Variants in SLC25A21 observed in about 807,000 individuals in gnomAD.
The protein encoded by SLC25A21 is mitochondrial 2-oxodicarboxylate carrier.
Under a neutral mutation model 43.8 loss-of-function variants are expected in SLC25A21, and 47 were observed. That is an observed-to-expected ratio of 1.07 (90% confidence interval 0.85 to 1.37). The LOEUF (loss-of-function observed/expected upper bound fraction) is 1.37, where lower values mean the gene tolerates loss of function less well. SLC25A21 is among the 40% of genes most tolerant of loss of function. The pLI is 0.00. For missense variants in SLC25A21, 352 were observed against 350.2 expected, an observed-to-expected ratio of 1.00 and a Z score of -0.04; for synonymous variants, 131 against 121.3, an observed-to-expected ratio of 1.08 and a Z score of -0.52.
chr14:36,832,031 G>A (rs1319102082), intron 2 of SLC25A21, among the ~76,000 whole-genome samples: 1 of 152,116 alleles, frequency 6.6e-6, no homozygotes, highest in African/African-American at 2.4e-5. Context: ...TTGTTAGTTT[G>A]ATAAAAGTGA....
intron 1 of SLC25A21, among the ~76,000 whole-genome samples, chr14:37,081,631 A>C (rs982653027): frequency 6.6e-6 from 1 of 152,248 alleles, no homozygotes; most frequent in Non-Finnish European, 1.5e-5. Context: ...TTGGCTTAAC[A>C]GTTTTGTTGC....
intron 1 of SLC25A21, among the ~76,000 whole-genome samples, chr14:36,992,540 G>A (rs1037298736): frequency 1.2e-4 from 19 of 152,122 alleles, no homozygotes; most frequent in African/African-American, 4.1e-4. Context: ...ATATACTCTA[G>A]GTATGCTAAG....
chr14:36,773,522 G>T (rs1427932931), intron 3 of SLC25A21, among the ~76,000 whole-genome samples: 1 of 152,198 alleles, frequency 6.6e-6, no homozygotes, highest in Admixed American at 6.5e-5. Context: ...TTGAAATCTA[G>T]AACTGTATTT....
chr14:36,790,838 T>C (rs571640174), intron 3 of SLC25A21, among the ~76,000 whole-genome samples: 1 of 152,224 alleles, frequency 6.6e-6, no homozygotes, highest in South Asian at 2.1e-4. Flanking sequence ...ACCACATATA[T>C]CACAGCACTG....
chr14:36,964,993 T>C lies in SLC25A21; in HGVS notation c.71-89989A>G, dbSNP rs537493644. On this transcript the variant is annotated intron_variant, in intron 1 of 9. Coordinates refer to ENST00000331299, the MANE Select transcript of SLC25A21 (RefSeq NM_030631.4). ...TAAATTAACTGAAGGAATGGTTTGG[T>C]TGGACTCTGACTTTGCCTTTAAATT... is the stretch of plus-strand genomic sequence containing the variant. 3.3e-5 allele frequency among the ~76,000 whole-genome samples: 5 copies of C among 152,300 alleles called. No individual in the cohort carries two copies. The East Asian group carries it at 5.8e-4, about 18-fold the overall frequency.
intron 2 of SLC25A21, among the ~76,000 whole-genome samples, chr14:36,833,600 G>C (rs1390673663): frequency 1.3e-5 from 2 of 152,164 alleles, no homozygotes; most frequent in East Asian, 3.8e-4. Flanking sequence ...ACTTAGGAAA[G>C]GGCACTGGCT....
chr14:37,154,195 C>G (rs1229486907), intron 1 of SLC25A21, among the ~76,000 whole-genome samples: 1 of 152,124 alleles, frequency 6.6e-6, no homozygotes, highest in Admixed American at 6.5e-5. Context: ...GCATCTTAGT[C>G]CCCAAGCAGA....
chr14:36,806,396 A>C (rs906736318), intron 3 of SLC25A21, among the ~76,000 whole-genome samples: 8 of 152,134 alleles, frequency 5.3e-5, no homozygotes, highest in Admixed American at 1.3e-4. Context: ...CTAATACAAG[A>C]AATGATAAAT....
chr14:36,959,753 T>G (rs1959442478), intron 1 of SLC25A21, among the ~76,000 whole-genome samples: 1 of 152,222 alleles, frequency 6.6e-6, no homozygotes, highest in Non-Finnish European at 1.5e-5. Context: ...ACATGTTGGC[T>G]GTTCCCATGC....
chr14:37,132,184 T>C (rs1295768422), intron 1 of SLC25A21, among the ~76,000 whole-genome samples: 1 of 152,136 alleles, frequency 6.6e-6, no homozygotes, highest in Non-Finnish European at 1.5e-5. Context: ...CTCACGCAAA[T>C]GCCATTAATC....
intron 3 of SLC25A21, among the ~76,000 whole-genome samples, chr14:36,809,471 T>TGA (rs1179722691): frequency 6.6e-6 from 1 of 152,154 alleles, no homozygotes; most frequent in Admixed American, 6.5e-5. Context: ...ATGTCTTTCA[T>TGA]AAGACATGGT....
At chr14:37,094,737 A>C (rs1322807622) in intron 1 of SLC25A21, among the ~76,000 whole-genome samples, 3 of 4,864 alleles carry the variant, frequency 6.2e-4, no homozygotes, top group Non-Finnish European at 0.013. Context: ...GGTGATAGCC[A>C]AAAAAAAAAA....
intron 2 of SLC25A21, among the ~76,000 whole-genome samples, chr14:36,823,478 T>C (rs1039814816): frequency 2.6e-5 from 4 of 152,196 alleles, no homozygotes; most frequent in Non-Finnish European, 5.9e-5. Flanking sequence ...TGCTAACAAA[T>C]GACTTCACAT....
intron 1 of SLC25A21, among the ~76,000 whole-genome samples, chr14:36,958,378 G>A (rs1218402110): frequency 6.6e-6 from 1 of 152,138 alleles, no homozygotes; most frequent in African/African-American, 2.4e-5. Flanking sequence ...AAAAAGTAAA[G>A]TGAGTCTGAA....
At chr14:36,920,123 C>G (rs918417838) in intron 1 of SLC25A21, among the ~76,000 whole-genome samples, 2 of 152,000 alleles carry the variant, frequency 1.3e-5, no homozygotes, top group Non-Finnish European at 2.9e-5. Context: ...CTTCCAGATG[C>G]TGTGTTAATT....
intron 1 of SLC25A21, among the ~76,000 whole-genome samples, chr14:37,067,157 C>T (rs1043465831): frequency 3.9e-5 from 6 of 152,098 alleles, no homozygotes; most frequent in Admixed American, 6.6e-5. Flanking sequence ...ATTTGAAGAA[C>T]TAACCATTTT....
At chr14:36,701,957 A>G (rs2139171415) in intron 7 of SLC25A21, among the ~76,000 whole-genome samples, 1 of 152,296 alleles carries the variant, frequency 6.6e-6, no homozygotes, top group Non-Finnish European at 1.5e-5. Context: ...AGAGATAATC[A>G]AGAAGAAGTC....
intron 1 of SLC25A21, among the ~76,000 whole-genome samples, chr14:37,023,524 G>A (rs1961030769): frequency 6.6e-6 from 1 of 151,848 alleles, no homozygotes. Flanking sequence ...CTTAGCAAAA[G>A]CAAAAAAATT....
chr14:37,029,598 C>T (rs1020022328), intron 1 of SLC25A21, among the ~76,000 whole-genome samples: 10 of 152,102 alleles, frequency 6.6e-5, no homozygotes, highest in African/African-American at 2.4e-4. Context: ...CAGAATCCCT[C>T]TGCTGAAAAG....
Sources: gnomAD v4.1 joint callset for allele counts (sites outside exome capture counted in the v4.1 genomes callset) on GRCh38, gnomAD v4.1.1 for gene constraint, MANE v1.5 for transcripts, NCBI Gene and HGNC (gene_info 2026-07-23, HGNC 2026-07-21) for gene names.